DAPK1: variants seen among roughly 807,000 people sequenced by gnomAD.
The protein encoded by DAPK1 is death associated protein kinase 1.
Under a neutral mutation model 144.9 loss-of-function variants are expected in DAPK1, and 56 were observed. The observed-to-expected ratio is 0.39, with a 90% CI of 0.31 to 0.48. The LOEUF is 0.48. DAPK1 is among the 20% of genes least tolerant of loss of function. The pLI is 0.95. For missense variants in DAPK1, 1,454 were observed against 1,875.4 expected (o/e 0.78, Z 4.15); for synonymous variants, 690 against 749.0 (o/e 0.92, Z 1.29).
Position 87,620,175 on chromosome 9 carries a change from G to T in DAPK1, c.284+15000G>T, listed in dbSNP as rs36208749. Among the ~76,000 whole-genome samples, 185 of 152,106 alleles carry T rather than the reference G, an allele frequency of 1.2e-3. 2 individuals carry two copies. In the Middle Eastern group the frequency reaches 0.031, roughly 25 times the overall value. On this transcript the variant is annotated intron_variant, in intron 3 of 25. Coordinates refer to ENST00000408954, the MANE Select transcript of DAPK1 (RefSeq NM_004938.4). Reference sequence around the variant, plus strand: ...GGTGGGCGGTGGAGACCCTCTGCTCGTGCCCCTCCGCTCGTGCCCCTCCTT... The same window carrying T: ...GGTGGGCGGTGGAGACCCTCTGCTCTTGCCCCTCCGCTCGTGCCCCTCCTT...
At chr9:87,553,448 G>A (rs1213712200) in intron 2 of DAPK1, 1 of 150,622 alleles carries the variant, frequency 6.6e-6, no homozygotes, top group African/African-American at 2.4e-5. Context: ...TGAGCACTAT[G>A]TCTGGTGCTT....
intron 2 of DAPK1, among the ~76,000 whole-genome samples, chr9:87,590,533 C>A (rs999998048): frequency 2.6e-5 from 4 of 151,780 alleles, no homozygotes; most frequent in Non-Finnish European, 4.4e-5. Flanking sequence ...AATTTTTTTT[C>A]TTTTCCAATT....
chr9:87,640,484 A>G (rs1830058759), intron 8 of DAPK1, 34 bp downstream of exon 8: 2 of 1,606,538 alleles, frequency 1.2e-6, no homozygotes, highest in South Asian at 2.2e-5. Context: ...GTGCTTGGCC[A>G]CGGCCTCAGC....
At chr9:87,635,168 G>GA (rs1829846062) in intron 3 of DAPK1, among the ~76,000 whole-genome samples, 2 of 151,954 alleles carry the variant, frequency 1.3e-5, no homozygotes, top group African/African-American at 2.4e-5. Flanking sequence ...GGTTGGCAGG[G>GA]AGGGAGAGAA....
At chr9:87,615,875 GA>G (rs888134519) in intron 3 of DAPK1, among the ~76,000 whole-genome samples, 17 of 152,370 alleles carry the variant, frequency 1.1e-4, no homozygotes, top group African/African-American at 3.8e-4. Context: ...TAGCCTCTTG[GA>G]GAGAGAATTC....
At chr9:87,558,462 A>G (rs1223454541) in intron 2 of DAPK1, among the ~76,000 whole-genome samples, 1 of 152,128 alleles carries the variant, frequency 6.6e-6, no homozygotes, top group African/African-American at 2.4e-5. Flanking sequence ...TGAATACAGG[A>G]TCTCAGAATC....
chr9:87,695,562 A>G (rs1022852057), intron 21 of DAPK1, among the ~76,000 whole-genome samples: 1 of 152,160 alleles, frequency 6.6e-6, no homozygotes, highest in Non-Finnish European at 1.5e-5. Context: ...CAGCTCCAGT[A>G]TGGGAAAGCA....
chr9:87,688,585 C>G (rs147595110), intron 21 of DAPK1, among the ~76,000 whole-genome samples: 2 of 152,256 alleles, frequency 1.3e-5, no homozygotes, highest in Non-Finnish European at 2.9e-5. Flanking sequence ...CACGCCCTCA[C>G]CAGCATCTCT....
At chr9:87,566,002 T>C (rs1827106305) in intron 2 of DAPK1, among the ~76,000 whole-genome samples, 1 of 150,124 alleles carries the variant, frequency 6.7e-6, no homozygotes, top group Non-Finnish European at 1.5e-5. Context: ...GAACCTTTTG[T>C]CTCTCTGTCT....
At chr9:87,571,478 CACACACACACACACACCCCA>C (rs1564000911) in intron 2 of DAPK1, among the ~76,000 whole-genome samples, 10 of 54,170 alleles carry the variant, frequency 1.8e-4, no homozygotes, top group South Asian at 8.8e-4. Flanking sequence ...CACACACCAA[CACACACACACACACACCCCA>C]ACACACACAC....
rs548578899 is a variant in DAPK1 at position 87,564,015 on chromosome 9, C to T, written c.63-40939C>T. ...TGTTCTTTATTTAGTTTAGGATGCCCGTCTCCCCTTTTCCTCCTTGGAGCT... is the reference window on the plus strand; with the variant it reads ...TGTTCTTTATTTAGTTTAGGATGCCTGTCTCCCCTTTTCCTCCTTGGAGCT... On this transcript the variant is annotated intron_variant, in intron 2 of 25. Transcript: ENST00000408954. Among the ~76,000 whole-genome samples the T allele has an allele frequency of 7.2e-5, 11 of 152,172 alleles. 1 individual carries two copies. The highest frequency in any genetic ancestry group is 4.1e-4 in the South Asian group (2 of 4,826).
chr9:87,705,311 G>A (rs1163598488), intron 25 of DAPK1, among the ~76,000 whole-genome samples: 2 of 145,104 alleles, frequency 1.4e-5, no homozygotes, highest in Admixed American at 7.1e-5. Context: ...GCACAATCTC[G>A]GCTCACTGCA....
intron 2 of DAPK1, among the ~76,000 whole-genome samples, chr9:87,561,854 C>G (rs1826938667): frequency 6.6e-6 from 1 of 152,200 alleles, no homozygotes; most frequent in Admixed American, 6.5e-5. Flanking sequence ...CTGCCCCCCT[C>G]CTTAGGGTGT....
intron 2 of DAPK1, among the ~76,000 whole-genome samples, chr9:87,551,068 C>A (rs1231619897): frequency 6.6e-6 from 1 of 152,202 alleles, no homozygotes; most frequent in Non-Finnish European, 1.5e-5. Context: ...CCCAGTGCTG[C>A]TTCAGTCTGG....
chr9:87,613,632 G>A lies in DAPK1; in HGVS notation c.284+8457G>A, dbSNP rs73496265. ...GGTCAGCAAGATCAGAATCGCAAGAGCCTTTGAAGAAACACATGCAGTGAT... is the reference window on the plus strand; with the variant it reads ...GGTCAGCAAGATCAGAATCGCAAGAACCTTTGAAGAAACACATGCAGTGAT... On this transcript the variant is annotated intron_variant, in intron 3 of 25. Coordinates refer to ENST00000408954, the MANE Select transcript of DAPK1 (RefSeq NM_004938.4). Among the ~76,000 whole-genome samples, 1,216 of 152,304 alleles carry A rather than the reference G, an allele frequency of 8.0e-3. 13 individuals are homozygous for A. Among genetic ancestry groups the A allele is most frequent in the African/African-American group, 0.028 (1,166 of 41,550 alleles).
intron 2 of DAPK1, among the ~76,000 whole-genome samples, chr9:87,524,436 G>A (rs548196087): frequency 1.4e-4 from 21 of 152,292 alleles, no homozygotes; most frequent in Non-Finnish European, 2.1e-4. Context: ...CTAAGCTGAC[G>A]TGGAAAGTTG....
chr9:87,501,650 C>G (rs562126275), intron 2 of DAPK1, among the ~76,000 whole-genome samples: 16 of 152,226 alleles, frequency 1.1e-4, no homozygotes, highest in African/African-American at 3.9e-4. Flanking sequence ...AAGTACATAG[C>G]CAGGAGGAAA....
intron 2 of DAPK1, among the ~76,000 whole-genome samples, chr9:87,514,824 C>G (rs945201455): frequency 2.6e-5 from 4 of 152,212 alleles, no homozygotes; most frequent in African/African-American, 9.6e-5. Context: ...TTACAAATGT[C>G]TATGGAACCC....
intron 2 of DAPK1, among the ~76,000 whole-genome samples, chr9:87,502,793 G>A (rs1394433279): frequency 6.6e-6 from 1 of 152,148 alleles, no homozygotes; most frequent in Non-Finnish European, 1.5e-5. Context: ...TATTAGTCTT[G>A]TATTACTCTT....
Sources: gnomAD v4.1 joint callset for allele counts (sites outside exome capture counted in the v4.1 genomes callset) on GRCh38, gnomAD v4.1.1 for gene constraint, MANE v1.5 for transcripts, NCBI Gene and HGNC (gene_info 2026-07-23, HGNC 2026-07-21) for gene names.